SNX13: variants seen among roughly 807,000 people sequenced by gnomAD.
SNX13 encodes sorting nexin-13.
A neutral mutation model predicts 133.6 loss-of-function variants in SNX13; 45 were observed. That is an observed-to-expected ratio of 0.34 (90% CI 0.27 to 0.43). The LOEUF (loss-of-function observed/expected upper bound fraction) is 0.43. Among genes scored for constraint, SNX13 ranks in the 20% least tolerant of loss-of-function variants. The probability of loss-of-function intolerance (pLI) is 1.00; values close to 1 mark genes in which losing one functional copy is unlikely to be tolerated. For missense variants in SNX13, 1,032 were observed against 1,145.1 expected, an observed-to-expected ratio of 0.90 and a Z score of 1.43; for synonymous variants, 414 against 373.9, an observed-to-expected ratio of 1.11 and a Z score of -1.24.
At chr7:17,854,379 G>C (rs1286910472) in intron 9 of SNX13, among the ~76,000 whole-genome samples, 1 of 152,198 alleles carries the variant, frequency 6.6e-6, no homozygotes, top group African/African-American at 2.4e-5. Context: ...ACAAGGAATA[G>C]CTAGAAAGTC....
At chr7:17,839,071 T>C (rs545117037) in intron 13 of SNX13, among the ~76,000 whole-genome samples, 1 of 149,812 alleles carries the variant, frequency 6.7e-6, no homozygotes, top group Non-Finnish European at 1.5e-5. Flanking sequence ...TTAGAATACA[T>C]GTATGCTATA....
In SNX13 at chr7:17,919,278, C is replaced by T. The variant is rs527336843; in HGVS notation, c.12+21006G>A. Among the ~76,000 whole-genome samples, 3 of 152,220 alleles carry T rather than the reference C, an allele frequency of 2.0e-5. No individual in the cohort carries two copies. In the East Asian group the frequency reaches 5.8e-4, roughly 29 times the overall value. On this transcript the variant is annotated intron_variant, in intron 1 of 25. Coordinates refer to ENST00000428135, the MANE Select transcript of SNX13 (RefSeq NM_015132.5). The stretch of plus-strand genomic sequence containing the variant: ...AACAAAAATAGTTGGTCCATATACA[C>T]CTAAAAATCAGAAAAGCCATAAATA...
Position 17,797,952 on chromosome 7 carries a change from A to C in SNX13, c.2513+738T>G, listed in dbSNP as rs576130967. ...AATAGAGACAAAAATACCTACCTCG[A>C]AAAATGGCATAAAATCAGAAAGCAT... is the stretch of plus-strand genomic sequence containing the variant. On this transcript the variant is annotated intron_variant, in intron 24 of 25. Coordinates refer to ENST00000428135, the MANE Select transcript of SNX13 (RefSeq NM_015132.5). Among the ~76,000 whole-genome samples the C allele has an allele frequency of 3.9e-4, 60 of 152,008 alleles. 1 individual carries two copies. In the South Asian group the frequency reaches 0.011, roughly 27 times the overall value.
chr7:17,816,381 G>T, intron 18 of SNX13, 92 bp from the exon 19 acceptor site: 1 of 1,417,596 alleles, frequency 7.1e-7, no homozygotes, highest in South Asian at 1.3e-5. Flanking sequence ...ACATCTTCAG[G>T]CCAGGTGCGG....
intron 9 of SNX13, among the ~76,000 whole-genome samples, chr7:17,861,347 C>T (rs1368993009): frequency 1.9e-4 from 7 of 37,088 alleles, no homozygotes; most frequent in African/African-American, 3.3e-4. Flanking sequence ...TTATCTCACA[C>T]ACACACACAC....
At position 17,830,044 on chromosome 7, in the gene SNX13, G is replaced by T; in HGVS notation, c.1601C>A (p.Ser534Tyr). 1.3e-6 allele frequency: 2 copies of T among 1,526,186 alleles called. No individual in the cohort carries two copies. Among genetic ancestry groups the T allele is most frequent in the Admixed American group, 2.0e-5 (1 of 50,060 alleles). 94.5% of individuals were successfully genotyped at this position (1,526,186 alleles called of 1,614,324 possible). The change falls in exon 16 of 26, where the codon TCT becomes TAT. Residue 534 changes from serine to tyrosine, a missense_variant. Physicochemically the swap from Ser to Tyr is moderately radical, Grantham distance 144. Coordinates refer to ENST00000428135, the MANE Select transcript of SNX13 (RefSeq NM_015132.5). ...GCTTCCTGTAGGAGACCCATTAAAA[G>T]ATTCTGCAGGGGGGAAATTCAACTT... Reference protein sequence around the residue: ...FRGSDDGDGESFNGSPTGSIN... With the variant: ...FRGSDDGDGEYFNGSPTGSIN...
chr7:17,896,978 C>T (rs1797280323), intron 2 of SNX13, among the ~76,000 whole-genome samples: 1 of 152,080 alleles, frequency 6.6e-6, no homozygotes. Flanking sequence ...ACTTCATGTG[C>T]AGTCTCAATT....
intron 13 of SNX13, among the ~76,000 whole-genome samples, chr7:17,838,026 T>C (rs1789354935): frequency 6.6e-6 from 1 of 151,898 alleles, no homozygotes; most frequent in Admixed American, 6.6e-5. Flanking sequence ...AAATTTCTGT[T>C]TACTGTAATC....
At chr7:17,873,329 A>G (rs559941370) in intron 8 of SNX13, among the ~76,000 whole-genome samples, 199 bp downstream of exon 8, 1 of 152,362 alleles carries the variant, frequency 6.6e-6, no homozygotes, top group South Asian at 2.1e-4. Context: ...GTAATGAAAT[A>G]CATGCTTGCA....
chr7:17,800,607 T>C (rs563769535), intron 22 of SNX13, among the ~76,000 whole-genome samples: 5 of 151,826 alleles, frequency 3.3e-5, no homozygotes, highest in African/African-American at 7.2e-5. Context: ...ATAACATATA[T>C]AGCACAAGAA....
chr7:17,832,410 T>A, intron 15 of SNX13: 4 of 984,628 alleles, frequency 4.1e-6, no homozygotes, highest in Non-Finnish European at 4.8e-6. Flanking sequence ...AAATTACACA[T>A]TACTTAGAAG....
intron 9 of SNX13, among the ~76,000 whole-genome samples, chr7:17,855,963 G>A (rs1039553820): frequency 1.3e-5 from 2 of 152,200 alleles, no homozygotes; most frequent in African/African-American, 4.8e-5. Flanking sequence ...ATGCCATTAT[G>A]AATATTCATG....
At chr7:17,809,282 CAAAAAAAAA>C (rs535077123) in intron 20 of SNX13, among the ~76,000 whole-genome samples, 55 of 49,280 alleles carry the variant, frequency 1.1e-3, no homozygotes, top group African/African-American at 4.3e-3. Context: ...AGATGGAAAG[CAAAAAAAAA>C]AAAAAAAAAA....
intron 9 of SNX13, among the ~76,000 whole-genome samples, chr7:17,867,381 C>T (rs1298215316): frequency 2.6e-5 from 4 of 152,088 alleles, no homozygotes; most frequent in Non-Finnish European, 4.4e-5. Flanking sequence ...CTGAGGCAGG[C>T]AGATCGCTTG....
intron 5 of SNX13, chr7:17,882,752 T>G: frequency 8.8e-7 from 1 of 1,132,610 alleles, no homozygotes; most frequent in Non-Finnish European, 1.1e-6. Flanking sequence ...AATCTTACTA[T>G]TTTAGAACTG....
In SNX13 at chr7:17,794,031, CAT is replaced by C. The variant is rs747348210; in HGVS notation, c.*12_*13del. The C allele has an allele frequency of 1.2e-6, 2 of 1,609,234 alleles. No homozygotes were observed. The highest frequency in any genetic ancestry group is 2.2e-5 in the South Asian group (2 of 90,680). ...TCCTGGACAAAATGAACACCAGCTTCATAGAGTGGAGTGTCACCTTTTCTGCA... is the reference window on the plus strand; with the variant it reads ...TCCTGGACAAAATGAACACCAGCTTCAGAGTGGAGTGTCACCTTTTCTGCA... On this transcript the variant is annotated 3_prime_UTR_variant, in exon 26 of 26. Coordinates refer to ENST00000428135, the MANE Select transcript of SNX13 (RefSeq NM_015132.5).
At chr7:17,810,683 T>C (rs1355221792) in intron 20 of SNX13, among the ~76,000 whole-genome samples, 1 of 152,106 alleles carries the variant, frequency 6.6e-6, no homozygotes, top group East Asian at 1.9e-4. Flanking sequence ...CCAAAACCTG[T>C]CAGAGACACA....
intron 15 of SNX13, chr7:17,832,508 A>C (rs1225666186): frequency 8.2e-6 from 8 of 980,152 alleles, no homozygotes; most frequent in Non-Finnish European, 9.7e-6. Flanking sequence ...AAATTTCTAA[A>C]ATAGATAAAA....
chr7:17,846,534 A>C (rs1790549725), intron 11 of SNX13, among the ~76,000 whole-genome samples: 1 of 152,192 alleles, frequency 6.6e-6, no homozygotes, highest in Non-Finnish European at 1.5e-5. Flanking sequence ...CTATATTCCC[A>C]AATTCATATT....
Sources: gnomAD v4.1 joint callset for allele counts (sites outside exome capture counted in the v4.1 genomes callset) on GRCh38, gnomAD v4.1.1 for gene constraint, MANE v1.5 for transcripts, NCBI Gene and HGNC (gene_info 2026-07-23, HGNC 2026-07-21) for gene names.